The following C12orf42 variants were observed in gnomAD, a reference collection of about 807,000 sequenced individuals.
C12orf42 encodes chromosome 12 open reading frame 42.
Under a neutral mutation model 21.6 loss-of-function variants are expected in C12orf42, and 25 were observed. The observed-to-expected ratio is 1.16, with a 90% CI of 0.84 to 1.62. The LOEUF (loss-of-function observed/expected upper bound fraction) is 1.62. C12orf42 is among the 40% of genes most tolerant of loss of function. The probability of loss-of-function intolerance (pLI) is 0.00; values close to 1 mark genes in which losing one functional copy is unlikely to be tolerated. For missense variants in C12orf42, 483 were observed against 459.3 expected, an observed-to-expected ratio of 1.05 and a Z score of -0.47; for synonymous variants, 174 against 175.0, an observed-to-expected ratio of 0.99 and a Z score of 0.05.
intron 10 of C12orf42, among the ~76,000 whole-genome samples, chr12:103,253,797 A>G (rs1472738245): frequency 6.6e-6 from 1 of 151,142 alleles, no homozygotes; most frequent in Non-Finnish European, 1.5e-5. Context: ...CCTTAAGGTG[A>G]TAAACAACTT....
the C12orf42 span, among the ~76,000 whole-genome samples, chr12:103,502,679 C>T: frequency 3.3e-5 from 5 of 152,292 alleles, no homozygotes; most frequent in Non-Finnish European, 5.9e-5. Flanking sequence ...TTCAATGACT[C>T]TCCATCGCAT....
At chr12:103,456,612 G>T (rs1952312781) in intron 2 of C12orf42, among the ~76,000 whole-genome samples, 1 of 152,086 alleles carries the variant, frequency 6.6e-6, no homozygotes, top group African/African-American at 2.4e-5. Flanking sequence ...CATGATAAAA[G>T]AATTATTAGC....
At chr12:103,325,648 C>T (rs1193294923) in intron 4 of C12orf42, among the ~76,000 whole-genome samples, 1 of 152,182 alleles carries the variant, frequency 6.6e-6, no homozygotes, top group African/African-American at 2.4e-5. Flanking sequence ...AAGCATTTGT[C>T]AACAGTTCTC....
At chr12:103,050,108 C>A in the C12orf42 span, among the ~76,000 whole-genome samples, 1 of 152,118 alleles carries the variant, frequency 6.6e-6, no homozygotes, top group Non-Finnish European at 1.5e-5. Context: ...CACAGAGTAG[C>A]CCATCAGTGA....
At chr12:103,182,512 A>C in the C12orf42 span, among the ~76,000 whole-genome samples, 1 of 152,244 alleles carries the variant, frequency 6.6e-6, no homozygotes, top group Non-Finnish European at 1.5e-5. Flanking sequence ...ATAGCATTGC[A>C]TTCAGTAGCA....
the C12orf42 span, chr12:103,164,597 A>G: frequency 1.9e-5 from 8 of 415,628 alleles, no homozygotes; most frequent in East Asian, 4.3e-4. Flanking sequence ...AGAAATTTAC[A>G]TAGTATATCA....
the C12orf42 span, among the ~76,000 whole-genome samples, chr12:103,064,721 C>T: frequency 6.6e-6 from 1 of 152,118 alleles, no homozygotes; most frequent in African/African-American, 2.4e-5. Context: ...AGACCTTTGG[C>T]CTTTTACCAG....
intron 4 of C12orf42, among the ~76,000 whole-genome samples, chr12:103,353,917 A>G (rs1025805258): frequency 6.6e-6 from 1 of 152,184 alleles, no homozygotes; most frequent in African/African-American, 2.4e-5. Context: ...GACTTTGGAT[A>G]TGCCAAAGAA....
the C12orf42 span, chr12:103,156,116 T>G: frequency 5.3e-5 from 8 of 152,182 alleles, no homozygotes; most frequent in Admixed American, 5.2e-4. Flanking sequence ...CCTTCTGCCT[T>G]CTGGGCAGGT....
At chr12:103,066,462 G>A in the C12orf42 span, among the ~76,000 whole-genome samples, 5 of 152,186 alleles carry the variant, frequency 3.3e-5, no homozygotes, top group African/African-American at 1.2e-4. Flanking sequence ...GACAGAGGAA[G>A]AAAAGACTAG....
At chr12:103,277,306 T>C (rs2035829116) in intron 4 of C12orf42, 1 of 304,258 alleles carries the variant, frequency 3.3e-6, no homozygotes, top group South Asian at 2.9e-5. Flanking sequence ...ACACAAATAA[T>C]ACTATTTAAT....
chr12:103,261,305 T>C (rs2034886794), intron 10 of C12orf42, among the ~76,000 whole-genome samples: 2 of 151,646 alleles, frequency 1.3e-5, no homozygotes, highest in Non-Finnish European at 2.9e-5. Flanking sequence ...GCCCCATCTC[T>C]ACAAAAAAAA....
the C12orf42 span, among the ~76,000 whole-genome samples, chr12:103,188,385 T>C: frequency 1.3e-5 from 2 of 152,198 alleles, no homozygotes; most frequent in Non-Finnish European, 2.9e-5. Flanking sequence ...GGTGCACCTA[T>C]CACCTGAACA....
chr12:103,444,523 T>C (rs1032944855), intron 2 of C12orf42, among the ~76,000 whole-genome samples: 7 of 152,116 alleles, frequency 4.6e-5, no homozygotes, highest in Admixed American at 4.6e-4. Flanking sequence ...TTTTAAATAA[T>C]GTTATTCTCC....
chr12:103,156,622 C>T, the C12orf42 span, among the ~76,000 whole-genome samples: 2 of 152,020 alleles, frequency 1.3e-5, no homozygotes, highest in Non-Finnish European at 2.9e-5. Context: ...TAAGTTCCTT[C>T]CTCTCATCCC....
In C12orf42 at chr12:103,328,231, C is replaced by T. The variant is rs184493078; in HGVS notation, c.260-21886G>A. On this transcript the variant is annotated intron_variant, in intron 4 of 5. Transcript: ENST00000548883. ...CATCTTATGGCCTGCCTTCAGATATCGACCCCTGAACCAATATCACAATGC... is the reference window on the plus strand; with the variant it reads ...CATCTTATGGCCTGCCTTCAGATATTGACCCCTGAACCAATATCACAATGC... 7.9e-5 allele frequency among the ~76,000 whole-genome samples: 12 copies of T among 152,156 alleles called. No homozygotes were observed. The East Asian group carries it at 2.3e-3, about 29-fold the overall frequency.
chr12:103,326,530 T>A (rs2040726336), intron 4 of C12orf42, among the ~76,000 whole-genome samples: 1 of 152,208 alleles, frequency 6.6e-6, no homozygotes, highest in African/African-American at 2.4e-5. Flanking sequence ...CCGCTCTACT[T>A]ACATACCTTA....
chr12:103,193,698 C>A, the C12orf42 span, among the ~76,000 whole-genome samples: 9 of 152,132 alleles, frequency 5.9e-5, no homozygotes, highest in East Asian at 1.5e-3. Context: ...CATCAGTAAT[C>A]GAAAACCTTC....
chr12:103,463,445 T>C (rs1565870212), intron 2 of C12orf42, among the ~76,000 whole-genome samples: 1 of 152,134 alleles, frequency 6.6e-6, no homozygotes, highest in East Asian at 1.9e-4. Context: ...GAGATAAATA[T>C]TATTATATGC....
Sources: allele counts gnomAD v4.1 joint callset (sites outside exome capture counted in the v4.1 genomes callset), GRCh38; gene constraint gnomAD v4.1.1; transcripts MANE v1.5; gene names NCBI Gene and HGNC (gene_info 2026-07-23, HGNC 2026-07-21).